The following HERC3 variants were observed in gnomAD, a reference collection of about 807,000 sequenced individuals.
HERC3 encodes probable E3 ubiquitin-protein ligase HERC3.
Under a neutral mutation model 129.9 loss-of-function variants are expected in HERC3, and 58 were observed. The observed-to-expected ratio is 0.45, with a 90% confidence interval of 0.36 to 0.56. The LOEUF (loss-of-function observed/expected upper bound fraction) is 0.56. Among genes scored for constraint, HERC3 ranks in the 20% least tolerant of loss-of-function variants. HERC3 has a pLI of 0.00. For synonymous variants in HERC3, 430 were observed against 451.0 expected (o/e 0.95, Z 0.59); for missense variants, 835 against 1,244.2 (o/e 0.67, Z 4.95).
Position 88,634,974 on chromosome 4 carries a change from G to A in HERC3, c.227-14866G>A, listed in dbSNP as rs554513079. ...TAACAACAACAGTTTCAACAAAAAAGTCTCCACAAAAATCCTTATCCAAGG... is the reference window on the plus strand; with the variant it reads ...TAACAACAACAGTTTCAACAAAAAAATCTCCACAAAAATCCTTATCCAAGG... On this transcript the variant is annotated intron_variant, in intron 3 of 25. Transcript: ENST00000402738. 7.9e-5 allele frequency among the ~76,000 whole-genome samples: 12 copies of A among 152,186 alleles called. 1 individual carries two copies. In the South Asian group the frequency reaches 2.5e-3, roughly 32 times the overall value.
At chr4:88,632,519 T>G (rs2149242706) in intron 3 of HERC3, among the ~76,000 whole-genome samples, 1 of 152,326 alleles carries the variant, frequency 6.6e-6, no homozygotes, top group Admixed American at 6.5e-5. Flanking sequence ...TACAAATATT[T>G]CAACAAGCTG....
chr4:88,576,471 T>C, the HERC3 span, among the ~76,000 whole-genome samples: 1 of 152,220 alleles, frequency 6.6e-6, no homozygotes, highest in African/African-American at 2.4e-5. Context: ...TGCCTTGACA[T>C]GACAAGCTCT....
chr4:88,695,400 A>G (rs576998209), intron 23 of HERC3, among the ~76,000 whole-genome samples: 82 of 152,312 alleles, frequency 5.4e-4, no homozygotes, highest in African/African-American at 1.8e-3. Context: ...TTTTTAAAAA[A>G]AACTTTCTGC....
chr4:88,685,686 C>T (rs1733360869), intron 21 of HERC3, among the ~76,000 whole-genome samples: 1 of 151,980 alleles, frequency 6.6e-6, no homozygotes, highest in African/African-American at 2.4e-5. Context: ...TTGATAGGTG[C>T]AGCAAACCAC....
chr4:88,636,225 C>T (rs1158731910), intron 3 of HERC3, among the ~76,000 whole-genome samples: 2 of 152,066 alleles, frequency 1.3e-5, no homozygotes, highest in African/African-American at 4.8e-5. Context: ...AGTCAAGACC[C>T]ATTGGTTTGC....
the HERC3 span, among the ~76,000 whole-genome samples, chr4:88,577,425 A>G: frequency 6.6e-6 from 1 of 152,052 alleles, no homozygotes; most frequent in Non-Finnish European, 1.5e-5. Context: ...CAAAACCCAT[A>G]TTGACTACAA....
chr4:88,561,232 A>C, the HERC3 span, among the ~76,000 whole-genome samples: 4 of 152,152 alleles, frequency 2.6e-5, no homozygotes, highest in Non-Finnish European at 5.9e-5. Context: ...CTTATTTTCT[A>C]ATTGCCTCAA....
chr4:88,602,420 A>AG (rs1723106826), intron 2 of HERC3, among the ~76,000 whole-genome samples: 1 of 151,596 alleles, frequency 6.6e-6, no homozygotes, highest in African/African-American at 2.4e-5. Context: ...AAAAAAAAAA[A>AG]AAAAAAGTAT....
intron 3 of HERC3, among the ~76,000 whole-genome samples, chr4:88,627,267 A>G (rs1726201862): frequency 6.6e-6 from 1 of 152,246 alleles, no homozygotes; most frequent in South Asian, 2.1e-4. Flanking sequence ...TTAGCTCTCC[A>G]GATCCACAAG....
chr4:88,596,869 C>T (rs1476773907), intron 2 of HERC3, among the ~76,000 whole-genome samples: 1 of 152,198 alleles, frequency 6.6e-6, no homozygotes, highest in Non-Finnish European at 1.5e-5. Context: ...TTTGTTACCA[C>T]TGATGATTCT....
At position 88,704,092 on chromosome 4, in the gene HERC3, T is replaced by C. The variant is rs938644703; in HGVS notation, c.2658-6T>C. ...GCTAAATGTATTTTCTTTTGTGTTC[T>C]GGCAGGCAGGAATTTGTGGATGCTT... On this transcript the variant is annotated splice_region_variant and splice_polypyrimidine_tract_variant and intron_variant, in intron 23 of 25. Transcript: ENST00000402738. The C allele has an allele frequency of 1.9e-6, 3 of 1,613,054 alleles. No homozygotes were observed.
At chr4:88,596,714 C>CA (rs796350870) in intron 2 of HERC3, among the ~76,000 whole-genome samples, 19 of 152,278 alleles carry the variant, frequency 1.2e-4, no homozygotes, top group African/African-American at 4.3e-4. Context: ...TGTTAAGAAA[C>CA]AACAATAAAA....
chr4:88,646,530 C>A (rs1728707541), intron 3 of HERC3, among the ~76,000 whole-genome samples: 1 of 152,192 alleles, frequency 6.6e-6, no homozygotes, highest in African/African-American at 2.4e-5. Flanking sequence ...ATACCAAATG[C>A]TTCTTCAGTG....
chr4:88,564,404 T>G, the HERC3 span, among the ~76,000 whole-genome samples: 2 of 152,238 alleles, frequency 1.3e-5, no homozygotes, highest in African/African-American at 4.8e-5. Flanking sequence ...TGCCATCAAG[T>G]GTCAGGCTAA....
the HERC3 span, among the ~76,000 whole-genome samples, chr4:88,559,536 C>T: frequency 0.4 from 60,555 of 152,042 alleles, 14,526 homozygotes; most frequent in African/African-American, 0.68. Flanking sequence ...AGTGAGATCA[C>T]GCAATTTATT....
chr4:88,612,197 A>C (rs1454476530), intron 3 of HERC3, among the ~76,000 whole-genome samples: 1 of 151,970 alleles, frequency 6.6e-6, no homozygotes, highest in East Asian at 1.9e-4. Flanking sequence ...TGTAACAGTT[A>C]ACTATTGCTG....
At chr4:88,572,815 A>T in the HERC3 span, among the ~76,000 whole-genome samples, 2 of 142,718 alleles carry the variant, frequency 1.4e-5, no homozygotes, top group African/African-American at 5.5e-5. Context: ...CAAAAAAAAA[A>T]AAATAATAAT....
intron 3 of HERC3, among the ~76,000 whole-genome samples, chr4:88,633,997 A>G (rs1727068752): frequency 6.6e-6 from 1 of 152,190 alleles, no homozygotes; most frequent in Non-Finnish European, 1.5e-5. Context: ...GATCCAAAAC[A>G]GTGTATTAAT....
At chr4:88,661,555 T>C (rs1730490762) in intron 10 of HERC3, among the ~76,000 whole-genome samples, 1 of 152,208 alleles carries the variant, frequency 6.6e-6, no homozygotes, top group South Asian at 2.1e-4. Flanking sequence ...AGAATAGGAG[T>C]ATAAAGCACC....
Sources: allele counts gnomAD v4.1 joint callset (sites outside exome capture counted in the v4.1 genomes callset), GRCh38; gene constraint gnomAD v4.1.1; transcripts MANE v1.5; gene names NCBI Gene and HGNC (gene_info 2026-07-23, HGNC 2026-07-21).